Variants in PDE6C observed in about 807,000 individuals in gnomAD.
PDE6C encodes cone cGMP-specific 3',5'-cyclic phosphodiesterase subunit alpha'.
In PDE6C, 75 loss-of-function variants were observed where a neutral mutation model predicts 113.1. That is an observed-to-expected ratio of 0.66 (90% CI 0.55 to 0.80). The LOEUF (loss-of-function observed/expected upper bound fraction) is 0.80. PDE6C is among the 30% of genes least tolerant of loss of function. PDE6C has a pLI of 0.00. For synonymous variants in PDE6C, 375 were observed against 363.7 expected (o/e 1.03, Z -0.35); for missense variants, 912 against 1,038.6 (o/e 0.88, Z 1.67).
At chr10:93,639,227 TC>T (rs2058547808) in intron 11 of PDE6C, among the ~76,000 whole-genome samples, 3 of 152,078 alleles carry the variant, frequency 2.0e-5, no homozygotes, top group African/African-American at 7.2e-5. Flanking sequence ...TCCTTTAATT[TC>T]CCCACCTGTC....
At chr10:93,652,429 A>G (rs1018535937) in intron 15 of PDE6C, among the ~76,000 whole-genome samples, 2 of 152,210 alleles carry the variant, frequency 1.3e-5, no homozygotes, top group Non-Finnish European at 2.9e-5. Context: ...GGAGGCTTGT[A>G]CATGTTTTTA....
chr10:93,636,174 G>A (rs1026447438), intron 10 of PDE6C, among the ~76,000 whole-genome samples: 1 of 152,160 alleles, frequency 6.6e-6, no homozygotes, highest in Admixed American at 6.5e-5. Flanking sequence ...ACCTAACTGT[G>A]CAGGCATACT....
At chr10:93,621,172 A>G (rs1337602824) in intron 3 of PDE6C, among the ~76,000 whole-genome samples, 192 bp downstream of exon 3, 2 of 152,042 alleles carry the variant, frequency 1.3e-5, no homozygotes, top group Non-Finnish European at 2.9e-5. Context: ...CTGCACCCCA[A>G]GCTCTCCAAT....
At position 93,626,705 on chromosome 10, in the gene PDE6C, G is replaced by A. The variant is rs958171434; in HGVS notation, c.1004+1G>A. Reference sequence around the variant, plus strand: ...GAAAAGAAGAGATCAAAGTGATTCCGTGAGTATTGGCAGGAAGTTGCTGCC... The same window carrying A: ...GAAAAGAAGAGATCAAAGTGATTCCATGAGTATTGGCAGGAAGTTGCTGCC... On this transcript the variant is annotated splice_donor_variant, in intron 6 of 21. Coordinates refer to ENST00000371447, the MANE Select transcript of PDE6C (RefSeq NM_006204.4). LOFTEE classifies it high-confidence loss of function. The A allele has an allele frequency of 6.9e-6, 11 of 1,605,498 alleles. No individual in the cohort carries two copies. Among genetic ancestry groups the A allele is most frequent in the East Asian group, 4.5e-5 (2 of 44,850 alleles).
chr10:93,655,657 A>AAAAAATGTTG, intron 15 of PDE6C, 103 bp from the exon 16 acceptor site: 1 of 717,060 alleles, frequency 1.4e-6, no homozygotes, highest in South Asian at 1.5e-5. Flanking sequence ...AAACAAACAA[A>AAAAAATGTTG]AAAGTGTTGA....
At chr10:93,641,341 G>A (rs1372603126) in intron 14 of PDE6C, among the ~76,000 whole-genome samples, 1 of 152,054 alleles carries the variant, frequency 6.6e-6, no homozygotes, top group Non-Finnish European at 1.5e-5. Flanking sequence ...ATATTAAAGT[G>A]CATGAATCTG....
intron 8 of PDE6C, among the ~76,000 whole-genome samples, chr10:93,629,886 T>G (rs960036595): frequency 6.6e-6 from 1 of 152,130 alleles, no homozygotes; most frequent in African/African-American, 2.4e-5. Context: ...CTGTACAACC[T>G]GCTGGTTCCT....
chr10:93,658,185 A>AAG (rs1554891864), intron 16 of PDE6C, among the ~76,000 whole-genome samples: 1 of 137,972 alleles, frequency 7.2e-6, no homozygotes, highest in African/African-American at 2.6e-5. Context: ...AAAAAAAAAA[A>AAG]AAAAAAAGAA....
At position 93,645,964 on chromosome 10, in the gene PDE6C, A is replaced by G. The variant is rs1394051423; in HGVS notation, c.1852A>G (p.Thr618Ala). The G allele has an allele frequency of 2.5e-6, 4 of 1,589,192 alleles. No homozygotes were observed. The highest frequency in any genetic ancestry group is 3.5e-6 in the Non-Finnish European group (4 of 1,157,368). ...GTNNLYQMKS[T>A]SPLARLHGSS... ...GGCATGTTGTTTTCCTTCTAGATCCACGTCTCCATTAGCAAGACTTCATGG... is the reference window on the plus strand; with the variant it reads ...GGCATGTTGTTTTCCTTCTAGATCCGCGTCTCCATTAGCAAGACTTCATGG... The change falls in exon 15 of 22, where the codon ACG (threonine) becomes GCG (alanine). Residue 618 changes from threonine to alanine, a missense_variant. Thr to Ala is a moderately conservative substitution (Grantham distance 58). Transcript: ENST00000371447.
At chr10:93,633,123 G>C (rs1368886224) in intron 8 of PDE6C, among the ~76,000 whole-genome samples, 1 of 152,082 alleles carries the variant, frequency 6.6e-6, no homozygotes, top group Non-Finnish European at 1.5e-5. Context: ...GCTACATCAT[G>C]GTTCTCAAAC....
intron 16 of PDE6C, among the ~76,000 whole-genome samples, chr10:93,658,188 A>AG (rs1829443857): frequency 2.1e-5 from 3 of 140,992 alleles, no homozygotes; most frequent in Non-Finnish European, 3.1e-5. Flanking sequence ...AAAAAAAAAA[A>AG]AAAAGAAAAA....
At chr10:93,659,439 A>T (rs2058655895) in intron 18 of PDE6C, among the ~76,000 whole-genome samples, 1 of 152,152 alleles carries the variant, frequency 6.6e-6, no homozygotes, top group Non-Finnish European at 1.5e-5. Flanking sequence ...TAAATAGAGG[A>T]GTGTATTAGC....
chr10:93,651,948 A>G (rs1429153607), intron 15 of PDE6C, among the ~76,000 whole-genome samples: 2 of 152,126 alleles, frequency 1.3e-5, no homozygotes, highest in Non-Finnish European at 2.9e-5. Context: ...GCTCTAATTA[A>G]AGAATCACTG....
At chr10:93,641,288 G>A (rs956107341) in intron 14 of PDE6C, among the ~76,000 whole-genome samples, 11 of 151,970 alleles carry the variant, frequency 7.2e-5, no homozygotes, top group Non-Finnish European at 1.0e-4. Context: ...AGGCCTTCAG[G>A]CTTTCTTCTC....
intron 18 of PDE6C, among the ~76,000 whole-genome samples, chr10:93,660,861 G>C (rs2058662866): frequency 6.6e-6 from 1 of 151,950 alleles, no homozygotes; most frequent in East Asian, 1.9e-4. Flanking sequence ...CCTCCTAATA[G>C]ATGCTCACAT....
rs1199306848 is a variant in PDE6C at position 93,662,550 on chromosome 10, C to A, written c.2284-10C>A. ...GAAACCTGTCTTAAAGGATTTATTT[C>A]TCTTTCTAGCCTATGATGGACAGAA... On this transcript the variant is annotated splice_polypyrimidine_tract_variant and intron_variant, in intron 19 of 21. Transcript: ENST00000371447. 9 of 1,237,304 alleles carry A rather than the reference C, an allele frequency of 7.3e-6. No homozygotes were observed. Among genetic ancestry groups the A allele is most frequent in the Admixed American group, 5.2e-5 (3 of 57,364 alleles). 76.6% of individuals were successfully genotyped at this position (1,237,304 alleles called of 1,614,324 possible).
intron 14 of PDE6C, among the ~76,000 whole-genome samples, chr10:93,643,199 G>A (rs533269792): frequency 6.6e-6 from 1 of 152,252 alleles, no homozygotes; most frequent in South Asian, 2.1e-4. Flanking sequence ...ATAGGAAGTA[G>A]CAGGATTGAA....
rs2058397937 is a variant in PDE6C at position 93,612,843 on chromosome 10, A to G, written c.118A>G (p.Ser40Gly). Residue 40 changes from serine to glycine, a missense_variant, in exon 1 of 22, where the codon AGC (serine) becomes GGC (glycine). By Grantham distance (56) the Ser-to-Gly change is moderately conservative (BLOSUM62 0). Coordinates refer to ENST00000371447, the MANE Select transcript of PDE6C (RefSeq NM_006204.4). The stretch of plus-strand genomic sequence containing the variant: ...GGTGCTGGGAGAAATCTTCAAGAAC[A>G]GCCAGGTGCCAGTCCAGTCCAGCAT... ...VEVLGEIFKNSQVPVQSSMSF... is the reference protein window; with the variant it reads ...VEVLGEIFKNGQVPVQSSMSF... The G allele has an allele frequency of 1.2e-6, 2 of 1,614,082 alleles. No homozygotes were observed. The highest frequency in any genetic ancestry group is 1.7e-6 in the Non-Finnish European group (2 of 1,180,042).
intron 1 of PDE6C, among the ~76,000 whole-genome samples, chr10:93,616,175 A>G (rs1355026954): frequency 6.6e-6 from 1 of 152,232 alleles, no homozygotes; most frequent in Non-Finnish European, 1.5e-5. Flanking sequence ...AAAGTTAGGT[A>G]GACAGGAAGT....
Sources: gnomAD v4.1 joint callset for allele counts (sites outside exome capture counted in the v4.1 genomes callset) on GRCh38, gnomAD v4.1.1 for gene constraint, MANE v1.5 for transcripts, NCBI Gene and HGNC (gene_info 2026-07-23, HGNC 2026-07-21) for gene names.